Variants in SCOC observed in about 807,000 individuals in gnomAD.
SCOC encodes the protein short coiled coil protein.
A neutral mutation model predicts 9.9 loss-of-function variants in SCOC; 7 were observed. That is an observed-to-expected ratio of 0.71 (90% CI 0.40 to 1.33). The LOEUF (loss-of-function observed/expected upper bound fraction) is 1.33, where lower values mean the gene tolerates loss of function less well. Ranked by LOEUF, SCOC falls within the 40% of genes most tolerant of loss-of-function variation. The probability of loss-of-function intolerance (pLI) is 0.01; values close to 1 mark genes in which losing one functional copy is unlikely to be tolerated. For missense variants in SCOC, 66 were observed against 89.7 expected (o/e 0.74, Z 1.07); for synonymous variants, 19 against 28.2 (o/e 0.67, Z 1.03).
intron 1 of SCOC, among the ~76,000 whole-genome samples, chr4:140,292,215 G>T (rs1292741090): frequency 6.7e-6 from 1 of 148,992 alleles, no homozygotes; most frequent in Admixed American, 6.6e-5. Context: ...TTGAGACAGG[G>T]TCTTTCTCTG....
At chr4:140,289,064 C>T (rs193143937) in intron 1 of SCOC, among the ~76,000 whole-genome samples, 1 of 152,246 alleles carries the variant, frequency 6.6e-6, no homozygotes, top group Non-Finnish European at 1.5e-5. Context: ...CACACACAGA[C>T]CATTAACACA....
intron 1 of SCOC, among the ~76,000 whole-genome samples, chr4:140,277,321 G>C (rs976936028): frequency 3.9e-5 from 6 of 152,110 alleles, no homozygotes; most frequent in African/African-American, 1.4e-4. Context: ...AGTTGGGGGG[G>C]GCAGGGGGTA....
intron 1 of SCOC, among the ~76,000 whole-genome samples, chr4:140,328,438 G>A (rs1732714011): frequency 6.6e-6 from 1 of 152,170 alleles, no homozygotes; most frequent in African/African-American, 2.4e-5. Flanking sequence ...TAATTTCTGT[G>A]TGCCACCTTC....
chr4:140,360,057 A>G (rs932071625), intron 2 of SCOC, among the ~76,000 whole-genome samples: 1 of 152,198 alleles, frequency 6.6e-6, no homozygotes, highest in Non-Finnish European at 1.5e-5. Context: ...TAAGACTGAC[A>G]GGTCCCTTGA....
At chr4:140,265,469 C>G (rs1169351091) in intron 1 of SCOC, among the ~76,000 whole-genome samples, 1 of 152,210 alleles carries the variant, frequency 6.6e-6, no homozygotes, top group African/African-American at 2.4e-5. Context: ...AATCGGGCAG[C>G]CTCCTGAGCC....
intron 1 of SCOC, among the ~76,000 whole-genome samples, chr4:140,292,346 G>A (rs965379212): frequency 1.3e-5 from 2 of 151,970 alleles, no homozygotes; most frequent in Non-Finnish European, 2.9e-5. Flanking sequence ...GTGCCACCAT[G>A]CCCAGCTAAT....
At chr4:140,373,269 C>A, upstream of SCOC, 1 of 1,305,950 alleles carries the variant, frequency 7.7e-7, no homozygotes, top group South Asian at 1.8e-5. Context: ...CAACCTCTTT[C>A]CTGAATGACT....
At chr4:140,330,793 A>C (rs1732795793) in intron 1 of SCOC, among the ~76,000 whole-genome samples, 1 of 152,256 alleles carries the variant, frequency 6.6e-6, no homozygotes, top group Non-Finnish European at 1.5e-5. Flanking sequence ...CACCTTTAAA[A>C]AACACTTTAC....
At chr4:140,377,969 G>A (rs1328811822) in intron 1 of SCOC, among the ~76,000 whole-genome samples, 1 of 152,102 alleles carries the variant, frequency 6.6e-6, no homozygotes, top group Non-Finnish European at 1.5e-5. Context: ...TCTGTTTTCA[G>A]TAATAATCTG....
At chr4:140,281,042 T>C (rs994806766) in intron 1 of SCOC, among the ~76,000 whole-genome samples, 1 of 152,190 alleles carries the variant, frequency 6.6e-6, no homozygotes, top group African/African-American at 2.4e-5. Flanking sequence ...ACAAGATTTA[T>C]GCACATTTAC....
intron 2 of SCOC, among the ~76,000 whole-genome samples, chr4:140,345,928 A>G (rs1726718710): frequency 2.0e-5 from 3 of 152,232 alleles, no homozygotes; most frequent in Non-Finnish European, 2.9e-5. Context: ...GATTCCAGAT[A>G]CAATGCTACG....
chr4:140,353,036 C>T (rs148392116), intron 2 of SCOC, among the ~76,000 whole-genome samples: 1 of 152,168 alleles, frequency 6.6e-6, no homozygotes. Flanking sequence ...CACAAAGGCT[C>T]CAGTTGGATG....
chr4:140,384,480 CTG>C lies in SCOC; in HGVS notation c.*3377_*3378del, dbSNP rs1454696172. On this transcript the variant is annotated 3_prime_UTR_variant, in exon 4 of 4. Coordinates refer to ENST00000608372, the MANE Select transcript of SCOC (RefSeq NM_001153484.2). ...TTAGAGATAATCCCATCCTCAATAA[CTG>C]ATGATCGTCAACCTGGCCTGTCTTT... 1 of 152,140 alleles carries C rather than the reference CTG, an allele frequency of 6.6e-6. No individual in the cohort carries two copies. The highest frequency in any genetic ancestry group is 2.4e-5 in the African/African-American group (1 of 41,428). 9.4% of individuals were successfully genotyped at this position (152,140 alleles called of 1,614,324 possible).
chr4:140,319,316 C>A (rs901061911), intron 1 of SCOC, among the ~76,000 whole-genome samples: 4 of 152,138 alleles, frequency 2.6e-5, no homozygotes, highest in African/African-American at 9.7e-5. Context: ...GTCTCACACT[C>A]CTGACATCAG....
chr4:140,287,662 C>T (rs1731334362), intron 1 of SCOC, among the ~76,000 whole-genome samples: 1 of 152,016 alleles, frequency 6.6e-6, no homozygotes, highest in African/African-American at 2.4e-5. Flanking sequence ...GTACATATAC[C>T]ACATGTCACA....
At chr4:140,318,845 CT>C in intron 1 of SCOC, among the ~76,000 whole-genome samples, 1 of 152,190 alleles carries the variant, frequency 6.6e-6, no homozygotes. Flanking sequence ...GCCCTTCCTT[CT>C]TTAACTCAGT....
intron 2 of SCOC, among the ~76,000 whole-genome samples, chr4:140,355,569 A>G (rs1338799119): frequency 6.6e-6 from 1 of 152,140 alleles, no homozygotes; most frequent in Non-Finnish European, 1.5e-5. Context: ...GCATTTCTGC[A>G]TTGTACTGAC....
intron 1 of SCOC, chr4:140,293,403 T>C: frequency 2.2e-6 from 1 of 456,798 alleles, no homozygotes; most frequent in South Asian, 1.5e-5. Flanking sequence ...ATTGGAGGTG[T>C]AAGCTATTTG....
chr4:140,311,226 A>C (rs968376261), intron 1 of SCOC, among the ~76,000 whole-genome samples: 1 of 152,112 alleles, frequency 6.6e-6, no homozygotes, highest in African/African-American at 2.4e-5. Flanking sequence ...ACAGACCCCT[A>C]TCTCTTAAAA....
Sources: allele counts gnomAD v4.1 joint callset (sites outside exome capture counted in the v4.1 genomes callset), GRCh38; gene constraint gnomAD v4.1.1; transcripts MANE v1.5; gene names NCBI Gene and HGNC (gene_info 2026-07-23, HGNC 2026-07-21).